Variants in THSD7B observed in about 807,000 individuals in gnomAD.
THSD7B encodes the protein thrombospondin type 1 domain containing 7B.
THSD7B carries 138 observed loss-of-function variants against 213.6 expected under a neutral mutation model. The ratio of observed to expected loss-of-function variants is 0.65; its 90% CI spans 0.56 to 0.74. The LOEUF (loss-of-function observed/expected upper bound fraction) is 0.74. Ranked by LOEUF, THSD7B falls within the 30% of genes least tolerant of loss-of-function variation. The pLI is 0.00. For missense variants in THSD7B, 1,931 were observed against 1,991.5 expected (o/e 0.97, Z 0.58); for synonymous variants, 742 against 687.0 (o/e 1.08, Z -1.25).
At chr2:137,336,563 CAT>C (rs1490078558) in intron 12 of THSD7B, among the ~76,000 whole-genome samples, 2 of 152,136 alleles carry the variant, frequency 1.3e-5, no homozygotes, top group Non-Finnish European at 2.9e-5. Flanking sequence ...AAAATCAAGA[CAT>C]GTGCAAAACT....
At chr2:137,427,653 CAGAG>C (rs1289575228) in intron 14 of THSD7B, among the ~76,000 whole-genome samples, 1 of 152,052 alleles carries the variant, frequency 6.6e-6, no homozygotes, top group African/African-American at 2.4e-5. Flanking sequence ...TTTATAGAAA[CAGAG>C]AGTAGACTGG....
intron 1 of THSD7B, among the ~76,000 whole-genome samples, chr2:136,859,563 C>G (rs1243204070): frequency 2.6e-5 from 4 of 151,994 alleles, no homozygotes; most frequent in Non-Finnish European, 5.9e-5. Context: ...AGATGAGTTC[C>G]AAGGAAGAGC....
intron 10 of THSD7B, among the ~76,000 whole-genome samples, chr2:137,262,417 C>A (rs938938730): frequency 6.6e-6 from 1 of 151,300 alleles, no homozygotes; most frequent in African/African-American, 2.4e-5. Flanking sequence ...CAGCTATAGT[C>A]ACTCCCTCTG....
At chr2:137,121,261 G>A (rs746331926) in intron 5 of THSD7B, among the ~76,000 whole-genome samples, 1 of 152,130 alleles carries the variant, frequency 6.6e-6, no homozygotes, top group African/African-American at 2.4e-5. Context: ...GAGCAGGAGA[G>A]AGCTACCCTG....
chr2:137,363,420 A>G (rs1468325996), intron 12 of THSD7B, among the ~76,000 whole-genome samples: 3 of 152,160 alleles, frequency 2.0e-5, no homozygotes, highest in Non-Finnish European at 4.4e-5. Flanking sequence ...GACACAAAAA[A>G]CCCTTCAAAA....
intron 1 of THSD7B, among the ~76,000 whole-genome samples, chr2:136,877,646 T>G (rs925682778): frequency 9.9e-5 from 15 of 152,194 alleles, no homozygotes; most frequent in African/African-American, 3.6e-4. Flanking sequence ...TTTACTGATT[T>G]GTACTTTGCT....
chr2:136,923,598 T>C (rs1457591593), intron 2 of THSD7B, among the ~76,000 whole-genome samples: 1 of 152,204 alleles, frequency 6.6e-6, no homozygotes, highest in African/African-American at 2.4e-5. Flanking sequence ...TTCCAATTTC[T>C]CTCCATCTTC....
chr2:137,019,040 G>A (rs1200624799), intron 2 of THSD7B, among the ~76,000 whole-genome samples: 1 of 152,074 alleles, frequency 6.6e-6, no homozygotes, highest in African/African-American at 2.4e-5. Context: ...CCCCATCCCA[G>A]TAAGTTACTA....
chr2:137,464,232 A>G (rs1346605276), intron 15 of THSD7B, among the ~76,000 whole-genome samples: 1 of 152,058 alleles, frequency 6.6e-6, no homozygotes, highest in Non-Finnish European at 1.5e-5. Flanking sequence ...TCCCTCCCCA[A>G]AACCCTCAAA....
At chr2:137,263,384 G>A (rs983672379) in intron 10 of THSD7B, among the ~76,000 whole-genome samples, 3 of 151,990 alleles carry the variant, frequency 2.0e-5, no homozygotes, top group Admixed American at 6.6e-5. Context: ...ACCCACATAG[G>A]ACAAGTAAGA....
chr2:136,961,724 C>G (rs555140484), intron 2 of THSD7B, among the ~76,000 whole-genome samples: 2 of 152,218 alleles, frequency 1.3e-5, no homozygotes, highest in Non-Finnish European at 2.9e-5. Context: ...AGTCATGTGG[C>G]CTTCGCATGA....
chr2:136,837,306 CCTT>C (rs1682858489), intron 1 of THSD7B, among the ~76,000 whole-genome samples: 1 of 152,188 alleles, frequency 6.6e-6, no homozygotes, highest in African/African-American at 2.4e-5. Flanking sequence ...CTACCACTCT[CCTT>C]CTGCACTTAC....
At chr2:137,330,958 T>G (rs1013868350) in intron 12 of THSD7B, among the ~76,000 whole-genome samples, 2 of 152,066 alleles carry the variant, frequency 1.3e-5, no homozygotes, top group Non-Finnish European at 2.9e-5. Flanking sequence ...CAAGTCCCCA[T>G]CAGATTAGTT....
At chr2:136,838,175 C>T (rs994264537) in intron 1 of THSD7B, among the ~76,000 whole-genome samples, 5 of 152,110 alleles carry the variant, frequency 3.3e-5, no homozygotes, top group African/African-American at 4.8e-5. Context: ...ATTAAATCAT[C>T]GATTAACAAG....
At chr2:137,491,863 A>C (rs1438239958) in intron 15 of THSD7B, among the ~76,000 whole-genome samples, 1 of 152,242 alleles carries the variant, frequency 6.6e-6, no homozygotes, top group African/African-American at 2.4e-5. Context: ...GTATAGCTCC[A>C]TCAGTTTCTA....
At chr2:137,013,126 T>C (rs146515042) in intron 2 of THSD7B, among the ~76,000 whole-genome samples, 3 of 152,340 alleles carry the variant, frequency 2.0e-5, no homozygotes, top group East Asian at 3.9e-4. Context: ...TAAATAACTT[T>C]TAGAACAAAC....
At chr2:137,414,381 A>G (rs1686745630) in intron 14 of THSD7B, among the ~76,000 whole-genome samples, 1 of 152,096 alleles carries the variant, frequency 6.6e-6, no homozygotes, top group Non-Finnish European at 1.5e-5. Flanking sequence ...TTTAATGGTT[A>G]CTAATAAAGA....
intron 10 of THSD7B, among the ~76,000 whole-genome samples, chr2:137,260,914 A>G (rs1321117365): frequency 6.6e-6 from 1 of 151,516 alleles, no homozygotes; most frequent in Non-Finnish European, 1.5e-5. Flanking sequence ...TTTTTCACTC[A>G]TTCACTCTTA....
chr2:137,440,110 T>C (rs1687371996), intron 14 of THSD7B, among the ~76,000 whole-genome samples: 1 of 152,164 alleles, frequency 6.6e-6, no homozygotes, highest in South Asian at 2.1e-4. Flanking sequence ...TGTAGTAATA[T>C]GTTGAATACT....
Sources: allele counts gnomAD v4.1 joint callset (sites outside exome capture counted in the v4.1 genomes callset), GRCh38; gene constraint gnomAD v4.1.1; transcripts MANE v1.5; gene names NCBI Gene and HGNC (gene_info 2026-07-23, HGNC 2026-07-21).